Variants in NEGR1 observed in about 807,000 individuals in gnomAD.
NEGR1 encodes the protein IgLON family member 4.
In NEGR1, 10 loss-of-function variants were observed where a neutral mutation model predicts 40.9. The observed-to-expected ratio is 0.24, with a 90% CI of 0.15 to 0.42. The LOEUF (loss-of-function observed/expected upper bound fraction) is 0.42. Ranked by LOEUF, NEGR1 falls within the 10% of genes least tolerant of loss-of-function variation. The pLI is 1.00. For synonymous variants in NEGR1, 185 were observed against 166.8 expected (o/e 1.11, Z -0.84); for missense variants, 352 against 438.9 (o/e 0.80, Z 1.77).
chr1:71,957,951 G>A (rs569385162), intron 1 of NEGR1, among the ~76,000 whole-genome samples: 3 of 152,154 alleles, frequency 2.0e-5, no homozygotes, highest in South Asian at 4.2e-4. Context: ...TTATACTGAG[G>A]CCTTAATGAC....
At chr1:71,445,357 G>A (rs1646574507) in intron 6 of NEGR1, among the ~76,000 whole-genome samples, 1 of 151,460 alleles carries the variant, frequency 6.6e-6, no homozygotes, top group Non-Finnish European at 1.5e-5. Flanking sequence ...AGCAAAGATT[G>A]TAGATAGTGG....
intron 1 of NEGR1, among the ~76,000 whole-genome samples, chr1:72,264,292 T>C (rs925944254): frequency 6.6e-6 from 1 of 151,246 alleles, no homozygotes; most frequent in Non-Finnish European, 1.5e-5. Context: ...AAACTGGAAT[T>C]TTAACACTTG....
intron 1 of NEGR1, among the ~76,000 whole-genome samples, chr1:72,076,490 GA>G (rs1450413300): frequency 2.0e-5 from 3 of 151,852 alleles, no homozygotes; most frequent in African/African-American, 7.3e-5. Context: ...GAGTACAACA[GA>G]AACATTCCCC....
intron 4 of NEGR1, among the ~76,000 whole-genome samples, chr1:71,681,251 T>A (rs956576070): frequency 1.3e-5 from 2 of 152,238 alleles, no homozygotes; most frequent in Admixed American, 6.5e-5. Flanking sequence ...ATTCTTTCTG[T>A]AACAATAAGA....
At chr1:71,918,499 C>A (rs1661668385) in intron 2 of NEGR1, among the ~76,000 whole-genome samples, 1 of 151,982 alleles carries the variant, frequency 6.6e-6, no homozygotes, top group South Asian at 2.1e-4. Flanking sequence ...TGCAAGGTAT[C>A]TTCATTAGCT....
chr1:71,900,157 GA>G (rs1467580880), intron 2 of NEGR1, among the ~76,000 whole-genome samples: 1 of 152,144 alleles, frequency 6.6e-6, no homozygotes, highest in Non-Finnish European at 1.5e-5. Context: ...GTTTTATGGG[GA>G]TTTCCTCACA....
intron 6 of NEGR1, among the ~76,000 whole-genome samples, chr1:71,469,088 A>G (rs1331340867): frequency 6.6e-6 from 1 of 152,042 alleles, no homozygotes; most frequent in Non-Finnish European, 1.5e-5. Flanking sequence ...GATTTTTCTG[A>G]AAAGCTTGTT....
chr1:72,250,101 C>T (rs1282758518), intron 1 of NEGR1, among the ~76,000 whole-genome samples: 1 of 152,128 alleles, frequency 6.6e-6, no homozygotes, highest in East Asian at 1.9e-4. Flanking sequence ...TGGCCTCTTC[C>T]ACAGTTCCAT....
At chr1:72,218,189 C>A (rs1434967597) in intron 1 of NEGR1, among the ~76,000 whole-genome samples, 1 of 151,758 alleles carries the variant, frequency 6.6e-6, no homozygotes, top group African/African-American at 2.4e-5. Flanking sequence ...ACTAGGATGA[C>A]CTATTGTGAC....
At chr1:71,551,189 C>T (rs1385857514) in intron 6 of NEGR1, among the ~76,000 whole-genome samples, 2 of 151,446 alleles carry the variant, frequency 1.3e-5, no homozygotes, top group Admixed American at 6.6e-5. Flanking sequence ...AAAATGTGAA[C>T]ATTAAAAGTT....
chr1:71,542,605 A>G (rs190770955), intron 6 of NEGR1, among the ~76,000 whole-genome samples: 104 of 151,858 alleles, frequency 6.8e-4, no homozygotes, highest in African/African-American at 2.5e-3. Context: ...AGTATACTGC[A>G]GGGATGGAAT....
At chr1:71,845,923 C>CTT (rs368324879) in intron 2 of NEGR1, among the ~76,000 whole-genome samples, 4,225 of 110,610 alleles carry the variant, frequency 0.038, 272 homozygotes, top group African/African-American at 0.12. Flanking sequence ...CGGCACCTGG[C>CTT]TTTTTTTTTT....
intron 2 of NEGR1, among the ~76,000 whole-genome samples, chr1:71,910,944 T>C (rs1661406993): frequency 6.6e-6 from 1 of 152,126 alleles, no homozygotes; most frequent in African/African-American, 2.4e-5. Flanking sequence ...GTGATCCATC[T>C]ACCGCAGCTT....
At chr1:71,572,910 T>G (rs566609192) in intron 6 of NEGR1, among the ~76,000 whole-genome samples, 3 of 152,294 alleles carry the variant, frequency 2.0e-5, no homozygotes, top group African/African-American at 7.2e-5. Flanking sequence ...CCTAATATCA[T>G]CTTGAAAGCA....
intron 3 of NEGR1, among the ~76,000 whole-genome samples, chr1:71,700,784 A>G (rs1653664238): frequency 6.6e-6 from 1 of 152,000 alleles, no homozygotes; most frequent in Non-Finnish European, 1.5e-5. Flanking sequence ...CTTATATGAC[A>G]ATAGGAACAT....
rs1569952061 is a variant in NEGR1, at chr1:72,093,376, A to T, written c.177-158065T>A. 3.9e-5 allele frequency among the ~76,000 whole-genome samples: 6 copies of T among 152,214 alleles called. No homozygotes were observed. In the South Asian group the frequency reaches 1.2e-3, roughly 32 times the overall value. On this transcript the variant is annotated intron_variant, in intron 1 of 6. Transcript: ENST00000357731. ...AAATGTTAGAATAAACAGCAAAAAA[A>T]TTTTAGTTATTAAACTAACAATTTC...
At chr1:72,189,851 T>C (rs1179277046) in intron 1 of NEGR1, among the ~76,000 whole-genome samples, 1 of 151,612 alleles carries the variant, frequency 6.6e-6, no homozygotes, top group East Asian at 1.9e-4. Flanking sequence ...AGAACACAGA[T>C]GATAAAAGAA....
intron 6 of NEGR1, among the ~76,000 whole-genome samples, chr1:71,436,032 TAGAA>T (rs1389986541): frequency 1.3e-5 from 2 of 152,126 alleles, no homozygotes; most frequent in African/African-American, 4.8e-5. Flanking sequence ...AGAACTCCAA[TAGAA>T]AGAACATCAT....
At chr1:71,746,713 T>C (rs190159448) in intron 3 of NEGR1, among the ~76,000 whole-genome samples, 2 of 151,570 alleles carry the variant, frequency 1.3e-5, no homozygotes, top group Admixed American at 1.3e-4. Flanking sequence ...TATAAATATG[T>C]ATACGTATAC....
Sources: allele counts gnomAD v4.1 joint callset (sites outside exome capture counted in the v4.1 genomes callset), GRCh38; gene constraint gnomAD v4.1.1; transcripts MANE v1.5; gene names NCBI Gene and HGNC (gene_info 2026-07-23, HGNC 2026-07-21).